Variants in PAM observed in about 807,000 individuals in gnomAD.
PAM encodes peptidyl-glycine alpha-amidating monooxygenase.
Under a neutral mutation model 122.1 loss-of-function variants are expected in PAM, and 72 were observed. The observed-to-expected ratio is 0.59, with a 90% CI of 0.49 to 0.72. The LOEUF (loss-of-function observed/expected upper bound fraction) is 0.72, where lower values mean the gene tolerates loss of function less well. PAM is among the 30% of genes least tolerant of loss of function. The pLI, the probability that PAM is intolerant of heterozygous loss-of-function variation, is 0.00. For missense variants in PAM, 1,106 were observed against 1,183.7 expected (o/e 0.93, Z 0.96); for synonymous variants, 389 against 404.4 (o/e 0.96, Z 0.46).
At chr5:102,862,855 A>G (rs1388215111) in intron 1 of PAM, among the ~76,000 whole-genome samples, 1 of 152,200 alleles carries the variant, frequency 6.6e-6, no homozygotes, top group Non-Finnish European at 1.5e-5. Context: ...GGACCCAGGA[A>G]TCAGGCAGTT....
intron 17 of PAM, among the ~76,000 whole-genome samples, chr5:103,003,366 A>T (rs943656314): frequency 3.3e-5 from 5 of 152,094 alleles, no homozygotes; most frequent in African/African-American, 1.2e-4. Flanking sequence ...AGATTCACTT[A>T]TCTGTTTGCC....
intron 5 of PAM, among the ~76,000 whole-genome samples, chr5:102,920,072 C>T (rs971544165): frequency 3.9e-5 from 6 of 152,046 alleles, no homozygotes; most frequent in Non-Finnish European, 8.8e-5. Context: ...ATCGGAACAT[C>T]TTGGTTTCAA....
intron 7 of PAM, among the ~76,000 whole-genome samples, chr5:102,945,751 T>C (rs913239501): frequency 4.6e-5 from 7 of 151,674 alleles, no homozygotes; most frequent in Non-Finnish European, 1.0e-4. Context: ...CTGAGTTCAT[T>C]TTCTGTACAG....
At chr5:102,981,185 T>C (rs1449621227) in intron 15 of PAM, among the ~76,000 whole-genome samples, 2 of 152,236 alleles carry the variant, frequency 1.3e-5, no homozygotes, top group Non-Finnish European at 2.9e-5. Context: ...AGATCATTCA[T>C]AGCCAGATTA....
intron 1 of PAM, among the ~76,000 whole-genome samples, chr5:102,849,334 G>A (rs1050408508): frequency 3.9e-5 from 6 of 152,034 alleles, no homozygotes; most frequent in African/African-American, 1.4e-4. Flanking sequence ...CAAGGCAGGC[G>A]GATCACGAGG....
Position 102,961,206 on chromosome 5 carries a change from A to G in PAM, c.1139A>G (p.Glu380Gly). ...KIPLLQQPKR[E>G]EEEVLDQGDF... ...CCTTTACTACAGCAGCCAAAACGAG[A>G]AGAAGAAGAAGTGTTAGACCAGGGT... The change falls in exon 14 of 26, where the codon GAA (glutamate) becomes GGA (glycine). Residue 380 changes from glutamate (E) to glycine (G), a missense_variant. This residue lies in a region of PAM where 670 missense variants were observed against 690.3 expected (regional missense o/e 0.97). Coordinates refer to ENST00000438793, the MANE Select transcript of PAM (RefSeq NM_001177306.2). 1 of 1,553,390 alleles carries G rather than the reference A, an allele frequency of 6.4e-7. No individual in the cohort carries two copies. Among genetic ancestry groups the G allele is most frequent in the Non-Finnish European group, 8.9e-7 (1 of 1,126,922 alleles).
At chr5:102,992,115 T>G (rs1774257628) in intron 16 of PAM, among the ~76,000 whole-genome samples, 1 of 152,128 alleles carries the variant, frequency 6.6e-6, no homozygotes, top group Admixed American at 6.6e-5. Flanking sequence ...AGGAACCACC[T>G]AAGAGCATTT....
Position 103,029,265 on chromosome 5 carries a change from A to G in PAM, c.*200A>G, listed in dbSNP as rs542345671. On this transcript the variant is annotated 3_prime_UTR_variant, in exon 26 of 26. Coordinates refer to ENST00000438793, the MANE Select transcript of PAM (RefSeq NM_001177306.2). ...TTTCCTAAAAGTTCATAACAGTGCC[A>G]TTGTCTTTATATGAACATAGACTAG... 76 of 417,984 alleles carry G rather than the reference A, an allele frequency of 1.8e-4. No homozygotes were observed. Among genetic ancestry groups the G allele is most frequent in the African/African-American group, 1.4e-3 (67 of 48,894 alleles). The allele number at this position is 417,984 out of a possible 1,614,324, so 25.9% of individuals were successfully genotyped here.
intron 24 of PAM, 117 bp from the exon 25 acceptor site, chr5:103,028,068 C>A: frequency 1.3e-6 from 1 of 767,834 alleles, no homozygotes. Context: ...TGCATACAGA[C>A]AAGAGCCAGG....
At chr5:102,791,401 C>G (rs1482197075) in intron 1 of PAM, among the ~76,000 whole-genome samples, 1 of 151,946 alleles carries the variant, frequency 6.6e-6, no homozygotes, top group Admixed American at 6.6e-5. Flanking sequence ...ACTGCCAATT[C>G]AAGAATACGT....
At chr5:102,773,147 C>A (rs1257267273) in intron 1 of PAM, among the ~76,000 whole-genome samples, 1 of 152,058 alleles carries the variant, frequency 6.6e-6, no homozygotes, top group Admixed American at 6.6e-5. Context: ...AGTCAGACTT[C>A]CTGGGTTCAC....
At chr5:102,964,549 T>C (rs1008071906) in intron 14 of PAM, among the ~76,000 whole-genome samples, 1 of 151,904 alleles carries the variant, frequency 6.6e-6, no homozygotes, top group Non-Finnish European at 1.5e-5. Context: ...TTTAATTGAG[T>C]CTGTAGGGAT....
chr5:102,820,723 C>T (rs1771589516), intron 1 of PAM, among the ~76,000 whole-genome samples: 1 of 152,106 alleles, frequency 6.6e-6, no homozygotes, highest in Non-Finnish European at 1.5e-5. Context: ...TGGAATTCTA[C>T]CTTCCCTGTC....
chr5:102,770,352 C>T (rs1355670578), intron 1 of PAM, among the ~76,000 whole-genome samples: 2 of 152,040 alleles, frequency 1.3e-5, no homozygotes, highest in South Asian at 2.1e-4. Context: ...TTTGGATGCC[C>T]TTTATTTCTG....
intron 25 of PAM, 39 bp from the exon 26 acceptor site, chr5:103,028,848 A>C (rs1785758059): frequency 6.8e-7 from 1 of 1,462,518 alleles, no homozygotes. Flanking sequence ...ACATTGCTGC[A>C]AACTTTACCC....
In PAM at chr5:102,851,818, G is replaced by GT. The variant is rs554710677; in HGVS notation, c.-373-13998dup. Among the ~76,000 whole-genome samples the GT allele has an allele frequency of 5.4e-4, 82 of 152,162 alleles. No homozygotes were observed. The East Asian group carries it at 0.015, about 27-fold the overall frequency. On this transcript the variant is annotated intron_variant, in intron 1 of 25. Transcript: ENST00000438793. The stretch of plus-strand genomic sequence containing the variant: ...ATGGAGAAAGGACTTTCACCTTTGT[G>GT]TTTTTTTCTTAACCTTGTTTTAATT...
intron 3 of PAM, among the ~76,000 whole-genome samples, chr5:102,871,102 C>T (rs1472521793): frequency 1.3e-5 from 2 of 152,156 alleles, no homozygotes; most frequent in East Asian, 1.9e-4. Flanking sequence ...TAAACAGATG[C>T]ATTGGGGCTG....
chr5:102,859,335 AGTGT>A (rs57728525), intron 1 of PAM, among the ~76,000 whole-genome samples: 8,981 of 142,288 alleles, frequency 0.063, 308 homozygotes, highest in East Asian at 0.12. Flanking sequence ...GGCCCAGGCT[AGTGT>A]GTGTGTGTGT....
At chr5:102,969,233 A>G (rs1339467614) in intron 14 of PAM, among the ~76,000 whole-genome samples, 1 of 152,066 alleles carries the variant, frequency 6.6e-6, no homozygotes, top group Non-Finnish European at 1.5e-5. Flanking sequence ...AACTTAAAGT[A>G]TAATAAAAAA....
Sources: gnomAD v4.1 joint callset for allele counts (sites outside exome capture counted in the v4.1 genomes callset) on GRCh38, gnomAD v4.1.1 for gene constraint, gnomAD v4.1.1 regional missense constraint, MANE v1.5 for transcripts, NCBI Gene and HGNC (gene_info 2026-07-23, HGNC 2026-07-21) for gene names.